Variants in PTPRD observed in about 807,000 individuals in gnomAD.
The protein encoded by PTPRD is protein tyrosine phosphatase receptor type D.
PTPRD carries 34 observed loss-of-function variants against 214.5 expected under a neutral mutation model. That is an observed-to-expected ratio of 0.16 (90% CI 0.12 to 0.21). The LOEUF is 0.21. Ranked by LOEUF, PTPRD falls within the 10% of genes least tolerant of loss-of-function variation. PTPRD has a pLI of 1.00. For synonymous variants in PTPRD, 1,128 were observed against 845.7 expected (o/e 1.33, Z -5.79); for missense variants, 2,545 against 2,398.7 (o/e 1.06, Z -1.27).
intron 11 of PTPRD, among the ~76,000 whole-genome samples, chr9:8,936,427 C>CAAAAAA (rs1181403459): frequency 0.022 from 686 of 31,620 alleles, 97 homozygotes; most frequent in East Asian, 0.064. Context: ...ACCCTGCCTC[C>CAAAAAA]AAAAAAAAAA....
At chr9:10,369,250 G>C (rs1464239072) in intron 2 of PTPRD, among the ~76,000 whole-genome samples, 3 of 152,050 alleles carry the variant, frequency 2.0e-5, no homozygotes, top group Non-Finnish European at 4.4e-5. Context: ...ATTCTTAGCA[G>C]TTTTAACAGT....
rs1420703537 is a variant in PTPRD at position 8,934,494 on chromosome 9, A to AATAT, written c.-104+84199_-104+84202dup. On this transcript the variant is annotated intron_variant, in intron 11 of 45. Coordinates refer to ENST00000381196, the MANE Select transcript of PTPRD (RefSeq NM_002839.4). ...ATATATATAAATATATATATATATA[A>AATAT]ATATATATATAAATATATATATATA... Among the ~76,000 whole-genome samples the AATAT allele has an allele frequency of 2.0e-3, 15 of 7,434 alleles. 1 individual carries two copies. The highest frequency in any genetic ancestry group is 5.7e-3 in the South Asian group (1 of 174). The allele number at this position is 7,434 out of a possible 152,430, so 4.9% of individuals were successfully genotyped here.
chr9:10,387,927 C>T (rs1383793757), intron 2 of PTPRD, among the ~76,000 whole-genome samples: 1 of 137,038 alleles, frequency 7.3e-6, no homozygotes, highest in Non-Finnish European at 1.5e-5. Flanking sequence ...TCCCAAAGTG[C>T]TGGAATTACA....
At position 9,767,807 on chromosome 9, in the gene PTPRD, A is replaced by G. The variant is rs12551715; in HGVS notation, c.-367-956T>C. ...ATTTTCTTCCATATTTAATATTCTC[A>G]AACTCAAAGAATTTCAGTTCTAGAA... On this transcript the variant is annotated intron_variant, in intron 5 of 45. Coordinates refer to ENST00000381196, the MANE Select transcript of PTPRD (RefSeq NM_002839.4). Among the ~76,000 whole-genome samples the G allele has an allele frequency of 0.033, 4,980 of 152,190 alleles. 541 individuals carry two copies. In the East Asian group the frequency reaches 0.38, roughly 12 times the overall value.
At chr9:8,827,614 CA>C (rs966118435) in intron 11 of PTPRD, among the ~76,000 whole-genome samples, 2 of 151,770 alleles carry the variant, frequency 1.3e-5, no homozygotes, top group Non-Finnish European at 2.9e-5. Context: ...CTCAAACAAA[CA>C]AAAAAAATTA....
chr9:8,522,892 G>A (rs1199139973), intron 19 of PTPRD, among the ~76,000 whole-genome samples: 2 of 152,122 alleles, frequency 1.3e-5, no homozygotes, highest in African/African-American at 4.8e-5. Flanking sequence ...ACCCCAAGAA[G>A]AAGATAAGTA....
At position 10,394,497 on chromosome 9, in the gene PTPRD, C is replaced by A. The variant is rs1436655277; in HGVS notation, c.-599-53480G>T. On this transcript the variant is annotated intron_variant, in intron 2 of 45. Coordinates refer to ENST00000381196, the MANE Select transcript of PTPRD (RefSeq NM_002839.4). Reference sequence around the variant, plus strand: ...AAAATTTTCTATCAACCTTTTTCATCAATAATAATAATTGCTACATAAACT... The same window carrying A: ...AAAATTTTCTATCAACCTTTTTCATAAATAATAATAATTGCTACATAAACT... Among the ~76,000 whole-genome samples, 3 of 151,554 alleles carry A rather than the reference C, an allele frequency of 2.0e-5. No homozygotes were observed. The Admixed American group carries it at 2.0e-4, about 10-fold the overall frequency.
chr9:8,844,132 A>T lies in PTPRD; in HGVS notation c.-103-110186T>A, dbSNP rs967887142. ...ATTCCAAAAGAAGAGTTTTATGCTT[A>T]AAACATCTAAAAGGTCATTTATTTC... On this transcript the variant is annotated intron_variant, in intron 11 of 45. Transcript: ENST00000381196. Among the ~76,000 whole-genome samples, 8 of 152,336 alleles carry T rather than the reference A, an allele frequency of 5.3e-5. No homozygotes were observed. The East Asian group carries it at 1.4e-3, about 26-fold the overall frequency.
At chr9:8,444,642 C>G (rs115312465) in intron 34 of PTPRD, among the ~76,000 whole-genome samples, 1,786 of 152,100 alleles carry the variant, frequency 0.012, 37 homozygotes, top group African/African-American at 0.041. Context: ...TTCAAACGTA[C>G]ACAAAATTAA....
chr9:9,345,236 T>C (rs1344363059), intron 9 of PTPRD, among the ~76,000 whole-genome samples: 1 of 152,058 alleles, frequency 6.6e-6, no homozygotes, highest in African/African-American at 2.4e-5. Flanking sequence ...AGATATATTA[T>C]TTCTTAAAAT....
chr9:9,573,993 G>T (rs2087495568), intron 8 of PTPRD, among the ~76,000 whole-genome samples: 1 of 151,604 alleles, frequency 6.6e-6, no homozygotes, highest in African/African-American at 2.4e-5. Context: ...TGATACAAAT[G>T]CCCACATTAT....
At chr9:9,118,131 C>T (rs1366210405) in intron 10 of PTPRD, among the ~76,000 whole-genome samples, 1 of 152,104 alleles carries the variant, frequency 6.6e-6, no homozygotes, top group Non-Finnish European at 1.5e-5. Flanking sequence ...CATTGCATTA[C>T]CTAAACAATT....
chr9:9,000,984 G>A (rs1332673948), intron 11 of PTPRD, among the ~76,000 whole-genome samples: 2 of 151,906 alleles, frequency 1.3e-5, no homozygotes, highest in Non-Finnish European at 2.9e-5. Context: ...CGCACAGCCA[G>A]CAAATGACCC....
chr9:9,620,597 T>A (rs561194066), intron 7 of PTPRD, among the ~76,000 whole-genome samples: 5 of 152,306 alleles, frequency 3.3e-5, no homozygotes, highest in Middle Eastern at 6.8e-3. Flanking sequence ...CCTTTCTACC[T>A]CCTGTAGTTT....
At chr9:10,393,082 C>T (rs2098101713) in intron 2 of PTPRD, among the ~76,000 whole-genome samples, 1 of 151,798 alleles carries the variant, frequency 6.6e-6, no homozygotes, top group Non-Finnish European at 1.5e-5. Flanking sequence ...CTTAGCCTTT[C>T]CTATACAACA....
chr9:8,926,434 G>A lies in PTPRD; in HGVS notation c.-104+92263C>T, dbSNP rs190250798. Among the ~76,000 whole-genome samples, 1,433 of 152,132 alleles carry A rather than the reference G, an allele frequency of 9.4e-3. 17 individuals are homozygous for A. Among genetic ancestry groups the A allele is most frequent in the Non-Finnish European group, 0.01 (699 of 67,984 alleles). ...ATAGCATTTTAGTAAATTTTATCTC[G>A]TAGAGTTTTCTAATACTTTATGGTA... On this transcript the variant is annotated intron_variant, in intron 11 of 45. Coordinates refer to ENST00000381196, the MANE Select transcript of PTPRD (RefSeq NM_002839.4).
chr9:8,950,746 C>A (rs549723637), intron 11 of PTPRD, among the ~76,000 whole-genome samples: 2 of 150,434 alleles, frequency 1.3e-5, no homozygotes, highest in African/African-American at 4.9e-5. Flanking sequence ...AATCTAAGAG[C>A]GATTCCTGAC....
At chr9:9,910,368 T>G (rs1232533487) in intron 5 of PTPRD, among the ~76,000 whole-genome samples, 1 of 152,004 alleles carries the variant, frequency 6.6e-6, no homozygotes, top group African/African-American at 2.4e-5. Context: ...AATATCTGTA[T>G]AGCAATTTTC....
intron 27 of PTPRD, among the ~76,000 whole-genome samples, chr9:8,489,527 G>C (rs1313015424): frequency 6.6e-6 from 1 of 152,196 alleles, no homozygotes; most frequent in Non-Finnish European, 1.5e-5. Flanking sequence ...GTAAAGAAAT[G>C]AATGCTTATG....
Sources: gnomAD v4.1 joint callset for allele counts (sites outside exome capture counted in the v4.1 genomes callset) on GRCh38, gnomAD v4.1.1 for gene constraint, MANE v1.5 for transcripts, NCBI Gene and HGNC (gene_info 2026-07-23, HGNC 2026-07-21) for gene names.